FSD2: variants seen among roughly 807,000 people sequenced by gnomAD.
The protein encoded by FSD2 is fibronectin type III and SPRY domain containing 2.
FSD2 carries 71 observed loss-of-function variants against 80.4 expected under a neutral mutation model. That is an observed-to-expected ratio of 0.88 (90% CI 0.73 to 1.08). The LOEUF (loss-of-function observed/expected upper bound fraction) is 1.08. Among genes scored for constraint, FSD2 ranks in the 50% least tolerant of loss-of-function variants. FSD2 has a pLI of 0.00. For missense variants in FSD2, 923 were observed against 913.8 expected (o/e 1.01, Z -0.13); for synonymous variants, 361 against 329.5 (o/e 1.10, Z -1.03).
At chr15:82,784,600 C>A in intron 3 of FSD2, among the ~76,000 whole-genome samples, 1 of 152,134 alleles carries the variant, frequency 6.6e-6, no homozygotes, top group East Asian at 1.9e-4. Flanking sequence ...CTACCACTAC[C>A]CTATGCTTGG....
chr15:82,756,951 C>G lies in FSD2; in HGVS notation c.*2397G>C, dbSNP rs934712376. 1 of 152,038 alleles carries G rather than the reference C, an allele frequency of 6.6e-6. No individual in the cohort carries two copies. Among genetic ancestry groups the G allele is most frequent in the Non-Finnish European group, 1.5e-5 (1 of 68,020 alleles). The allele number at this position is 152,038 out of a possible 1,614,324, so 9.4% of individuals were successfully genotyped here. ...AACATGGCCTTGAGGTAAATCTGTC[C>G]CTTGCTGAATACAGTTTCAGTAGAT... On this transcript the variant is annotated 3_prime_UTR_variant, in exon 13 of 13. Coordinates refer to ENST00000334574, the MANE Select transcript of FSD2 (RefSeq NM_001007122.4).
At chr15:82,767,473 G>A (rs1051733194) in intron 9 of FSD2, among the ~76,000 whole-genome samples, 1 of 152,156 alleles carries the variant, frequency 6.6e-6, no homozygotes, top group Non-Finnish European at 1.5e-5. Context: ...AGGCAGGAAG[G>A]GGCCAGAGCC....
In FSD2 at chr15:82,786,942, T is replaced by TA. The variant is rs1468415936; in HGVS notation, c.448dup (p.Tyr150LeufsTer2). 1.2e-6 allele frequency: 2 copies of TA among 1,613,900 alleles called. No individual in the cohort carries two copies. The highest frequency in any genetic ancestry group is 1.7e-6 in the Non-Finnish European group (2 of 1,179,898). Reference sequence around the variant, plus strand: ...GCTGGCACGGCCGTGTGTGTACCTATAGGCTTCCCGCAAGTCCTGGCACTG... The same window carrying TA: ...GCTGGCACGGCCGTGTGTGTACCTATAAGGCTTCCCGCAAGTCCTGGCACTG... On this transcript the variant is annotated frameshift_variant, in exon 2 of 13. Transcript: ENST00000334574. LOFTEE classifies it high-confidence loss of function.
intron 12 of FSD2, among the ~76,000 whole-genome samples, chr15:82,759,998 T>A (rs1053788263): frequency 3.3e-5 from 5 of 152,206 alleles, no homozygotes; most frequent in Non-Finnish European, 7.3e-5. Flanking sequence ...TTCACTGTGT[T>A]GCCCAGGCTG....
Position 82,787,401 on chromosome 15 carries a change from G to T in FSD2, c.-11C>A. 1 of 1,578,790 alleles carries T rather than the reference G, an allele frequency of 6.3e-7. No individual in the cohort carries two copies. The highest frequency in any genetic ancestry group is 1.2e-5 in the South Asian group (1 of 84,446). On this transcript the variant is annotated 5_prime_UTR_variant, in exon 2 of 13. Coordinates refer to ENST00000334574, the MANE Select transcript of FSD2 (RefSeq NM_001007122.4). Reference sequence around the variant, plus strand: ...CGATTCCTCCTCCATTGTAACTCTGGAAGTCCTCAGAAGCACCTTTATATA... The same window carrying T: ...CGATTCCTCCTCCATTGTAACTCTGTAAGTCCTCAGAAGCACCTTTATATA...
At chr15:82,798,873 G>T (rs796431660) in intron 1 of FSD2, among the ~76,000 whole-genome samples, 73 of 111,402 alleles carry the variant, frequency 6.6e-4, no homozygotes, top group Admixed American at 1.9e-3. Flanking sequence ...TATCTCCACT[G>T]TTTTGTTTTT....
chr15:82,762,969 A>T (rs1291890832), intron 11 of FSD2, among the ~76,000 whole-genome samples: 5 of 152,224 alleles, frequency 3.3e-5, no homozygotes, highest in Non-Finnish European at 7.3e-5. Context: ...TATAGACCTC[A>T]ACATCCCTAG....
intron 11 of FSD2, among the ~76,000 whole-genome samples, chr15:82,762,848 A>G (rs2049323041): frequency 6.6e-6 from 1 of 152,254 alleles, no homozygotes; most frequent in Non-Finnish European, 1.5e-5. Flanking sequence ...TTTGTTCTAC[A>G]TCAGCAAAGT....
At chr15:82,791,929 G>A (rs148481674) in intron 1 of FSD2, among the ~76,000 whole-genome samples, 2 of 152,108 alleles carry the variant, frequency 1.3e-5, no homozygotes, top group South Asian at 2.1e-4. Context: ...CCCTTTTTAG[G>A]ACCAGAAAAG....
rs2049194474 is a variant in FSD2 at position 82,757,239 on chromosome 15, T to C, written c.*2109A>G. On this transcript the variant is annotated 3_prime_UTR_variant, in exon 13 of 13. Coordinates refer to ENST00000334574, the MANE Select transcript of FSD2 (RefSeq NM_001007122.4). ...TGAGTTTTTAATCCATTTATCCGTGTTCATACTAACGTGTAGTATTCCATA... is the reference window on the plus strand; with the variant it reads ...TGAGTTTTTAATCCATTTATCCGTGCTCATACTAACGTGTAGTATTCCATA... 6.6e-6 allele frequency: 1 copy of C among 152,228 alleles called. No homozygotes were observed. The highest frequency in any genetic ancestry group is 1.5e-5 in the Non-Finnish European group (1 of 68,048). The allele number at this position is 152,228 out of a possible 1,614,324, so 9.4% of individuals were successfully genotyped here. A position where few individuals can be genotyped will look rare whatever the true frequency, so the allele number is the denominator to read the frequency against.
intron 1 of FSD2, among the ~76,000 whole-genome samples, chr15:82,798,318 C>T (rs2050327524): frequency 6.6e-6 from 1 of 152,098 alleles, no homozygotes; most frequent in African/African-American, 2.4e-5. Flanking sequence ...GCACTCCAGC[C>T]TGGGTGACAG....
At chr15:82,766,135 C>T (rs1596230672) in intron 9 of FSD2, 104 bp from the exon 10 acceptor site, 1 of 1,295,204 alleles carries the variant, frequency 7.7e-7, no homozygotes, top group Non-Finnish European at 1.0e-6. Context: ...CTCTTGCGCT[C>T]CTGTCCTCTG....
intron 6 of FSD2, among the ~76,000 whole-genome samples, chr15:82,777,276 A>C (rs187916407): frequency 7.0e-4 from 106 of 152,336 alleles, no homozygotes; most frequent in African/African-American, 2.5e-3. Flanking sequence ...CCATTAACAG[A>C]GTGAAGAAAC....
At position 82,782,967 on chromosome 15, in the gene FSD2, G is replaced by A; in HGVS notation, c.794C>T (p.Thr265Ile). ...FESHYNEILE[T>I]LAQKYEEKIQ... is the part of the protein sequence containing the mutation. ...TTTTTCCTCATATTTTTGAGCAAGT[G>A]TTTCCAAGATCTCGTTGTAATGTGA... Residue 265 changes from threonine to isoleucine, a missense_variant, in exon 4 of 13, where the codon ACA becomes ATA. Thr to Ile is a moderately conservative substitution (Grantham distance 89). Coordinates refer to ENST00000334574, the MANE Select transcript of FSD2 (RefSeq NM_001007122.4). 1 of 1,613,712 alleles carries A rather than the reference G, an allele frequency of 6.2e-7. No individual in the cohort carries two copies. Among genetic ancestry groups the A allele is most frequent in the East Asian group, 2.2e-5 (1 of 44,866 alleles).
In FSD2 at chr15:82,755,757, T is replaced by C; in HGVS notation, c.*3591A>G. 1 of 225,968 alleles carries C rather than the reference T, an allele frequency of 4.4e-6. No homozygotes were observed. Among genetic ancestry groups the C allele is most frequent in the Non-Finnish European group, 9.2e-6 (1 of 108,330 alleles). The allele number at this position is 225,968 out of a possible 1,614,324, so 14.0% of individuals were successfully genotyped here. A position where few individuals can be genotyped will look rare whatever the true frequency, so the allele number is the denominator to read the frequency against. ...GACTTCCTGATGACAGAAAAGATGCTGACCAGCTGGGGTCTTCTTTCCAAA... is the reference window on the plus strand; with the variant it reads ...GACTTCCTGATGACAGAAAAGATGCCGACCAGCTGGGGTCTTCTTTCCAAA... On this transcript the variant is annotated 3_prime_UTR_variant, in exon 13 of 13. Coordinates refer to ENST00000334574, the MANE Select transcript of FSD2 (RefSeq NM_001007122.4).
In FSD2 at chr15:82,756,201, T is replaced by G; in HGVS notation, c.*3147A>C. On this transcript the variant is annotated 3_prime_UTR_variant, in exon 13 of 13. Coordinates refer to ENST00000334574, the MANE Select transcript of FSD2 (RefSeq NM_001007122.4). ...AATTGATAGGAAGGTGACTAGAAATTGGCGAAGTTTTCTTGGTAAGTTGAG... is the reference window on the plus strand; with the variant it reads ...AATTGATAGGAAGGTGACTAGAAATGGGCGAAGTTTTCTTGGTAAGTTGAG... The G allele has an allele frequency of 3.5e-6, 1 of 287,892 alleles. No homozygotes were observed. The highest frequency in any genetic ancestry group is 7.6e-5 in the East Asian group (1 of 13,164). 17.8% of individuals were successfully genotyped at this position (287,892 alleles called of 1,614,324 possible). A position where few individuals can be genotyped will look rare whatever the true frequency, so the allele number is the denominator to read the frequency against.
intron 6 of FSD2, among the ~76,000 whole-genome samples, chr15:82,777,379 A>T (rs540528269): frequency 7.2e-5 from 11 of 152,332 alleles, no homozygotes; most frequent in African/African-American, 2.4e-4. Context: ...AATAGCAAAA[A>T]TCCAAACCGA....
intron 3 of FSD2, 70 bp from the exon 4 acceptor site, chr15:82,783,095 G>GT (rs1226396405): frequency 2.6e-6 from 3 of 1,172,148 alleles, no homozygotes; most frequent in Non-Finnish European, 3.7e-6. Flanking sequence ...TTTGTTTTTT[G>GT]TTTTTTTGTT....
At chr15:82,782,405 A>G (rs1487427540) in intron 4 of FSD2, among the ~76,000 whole-genome samples, 3 of 152,184 alleles carry the variant, frequency 2.0e-5, no homozygotes, top group Non-Finnish European at 4.4e-5. Flanking sequence ...GTCTCAAAAA[A>G]ACCAAACCAA....
Sources: gnomAD v4.1 joint callset for allele counts (sites outside exome capture counted in the v4.1 genomes callset) on GRCh38, gnomAD v4.1.1 for gene constraint, MANE v1.5 for transcripts, NCBI Gene and HGNC (gene_info 2026-07-23, HGNC 2026-07-21) for gene names.